Variants in DPP6 observed in about 807,000 individuals in gnomAD.
The protein encoded by DPP6 is dipeptidyl peptidase like 6.
Under a neutral mutation model 122.6 loss-of-function variants are expected in DPP6, and 69 were observed. The ratio of observed to expected loss-of-function variants is 0.56; its 90% CI spans 0.46 to 0.69. DPP6 has a LOEUF of 0.69. Among genes scored for constraint, DPP6 ranks in the 30% least tolerant of loss-of-function variants. DPP6 has a pLI of 0.00. For missense variants in DPP6, 928 were observed against 1,116.9 expected (o/e 0.83, Z 2.41); for synonymous variants, 418 against 433.1 (o/e 0.97, Z 0.43).
At chr7:154,092,223 T>C (rs1166471457) in intron 1 of DPP6, 1 of 152,202 alleles carries the variant, frequency 6.6e-6, no homozygotes, top group African/African-American at 2.4e-5. Context: ...ACTTACTTTA[T>C]TATTTTCTCT....
At chr7:153,942,293 A>G (rs976319545) in intron 1 of DPP6, among the ~76,000 whole-genome samples, 2 of 152,142 alleles carry the variant, frequency 1.3e-5, no homozygotes, top group Non-Finnish European at 2.9e-5. Flanking sequence ...TCTCCTTGCG[A>G]CTTACAAGAA....
intron 8 of DPP6, among the ~76,000 whole-genome samples, chr7:154,743,812 T>C (rs1402514921): frequency 1.3e-5 from 2 of 152,138 alleles, no homozygotes; most frequent in Non-Finnish European, 2.9e-5. Flanking sequence ...AATTCAAACA[T>C]ACTCCAGTCC....
intron 1 of DPP6, among the ~76,000 whole-genome samples, chr7:153,995,463 G>C (rs1280293221): frequency 6.6e-6 from 1 of 151,922 alleles, no homozygotes; most frequent in Non-Finnish European, 1.5e-5. Context: ...GCGGATGCCT[G>C]TAGTCTCAGC....
chr7:154,104,598 A>G, intron 1 of DPP6, among the ~76,000 whole-genome samples: 1 of 152,268 alleles, frequency 6.6e-6, no homozygotes. Flanking sequence ...GTATTTTCTC[A>G]GGGACCCTTC....
intron 10 of DPP6, among the ~76,000 whole-genome samples, chr7:154,777,869 C>T (rs768429255): frequency 2.6e-5 from 4 of 152,260 alleles, no homozygotes; most frequent in Admixed American, 6.5e-5. Flanking sequence ...CCACGGCTCA[C>T]GAAAGGCTCA....
rs532170445 is a variant in DPP6 at position 154,219,844 on chromosome 7, C to T, written c.243+166781C>T. 2.0e-5 allele frequency among the ~76,000 whole-genome samples: 3 copies of T among 152,276 alleles called. No homozygotes were observed. The South Asian group carries it at 6.2e-4, about 32-fold the overall frequency. On this transcript the variant is annotated intron_variant, in intron 1 of 25. Transcript: ENST00000377770. ...TCAAGTGATCTGCCTGCCTCGGCCT[C>T]CCAAAGTGCTGGGATTGCAGTTGTG...
intron 11 of DPP6, 110 bp from the exon 12 acceptor site, chr7:154,795,735 G>A (rs1798004090): frequency 2.9e-5 from 43 of 1,486,736 alleles, no homozygotes; most frequent in Non-Finnish European, 3.7e-5. Flanking sequence ...CGGCCATGTA[G>A]GTGAAGCCAA....
At chr7:154,662,015 C>G (rs1193199058) in intron 6 of DPP6, among the ~76,000 whole-genome samples, 3 of 148,806 alleles carry the variant, frequency 2.0e-5, no homozygotes, top group Admixed American at 6.7e-5. Context: ...TGGTGAATCA[C>G]CATGGCATAT....
At chr7:154,589,081 A>T (rs1226683133) in intron 5 of DPP6, among the ~76,000 whole-genome samples, 3 of 152,174 alleles carry the variant, frequency 2.0e-5, no homozygotes, top group Non-Finnish European at 2.9e-5. Context: ...TGTTTGAAAT[A>T]TCATTTGGAA....
chr7:154,205,732 G>A (rs1007232715), intron 1 of DPP6, among the ~76,000 whole-genome samples: 1 of 151,702 alleles, frequency 6.6e-6, no homozygotes, highest in Non-Finnish European at 1.5e-5. Context: ...CTCAGACTGG[G>A]CAAAGCTCTT....
At chr7:154,430,437 G>A (rs1336913374) in intron 1 of DPP6, among the ~76,000 whole-genome samples, 3 of 152,176 alleles carry the variant, frequency 2.0e-5, no homozygotes, top group Non-Finnish European at 4.4e-5. Context: ...GGTCTGGTTT[G>A]TAGATGGCTA....
intron 1 of DPP6, among the ~76,000 whole-genome samples, chr7:154,208,328 A>G (rs1019610565): frequency 7.2e-5 from 11 of 152,220 alleles, no homozygotes; most frequent in East Asian, 1.9e-4. Context: ...TCCTTGGCCA[A>G]AAATAGAGCT....
At chr7:153,802,204 CA>C in the DPP6 span, among the ~76,000 whole-genome samples, 1 of 152,164 alleles carries the variant, frequency 6.6e-6, no homozygotes, top group Non-Finnish European at 1.5e-5. Context: ...TTGCCTAAGC[CA>C]CCAGAAACTT....
At chr7:154,674,912 G>T (rs1838792919) in intron 7 of DPP6, among the ~76,000 whole-genome samples, 1 of 152,182 alleles carries the variant, frequency 6.6e-6, no homozygotes, top group Admixed American at 6.5e-5. Context: ...GACCAAGAGA[G>T]GCTGAGGGGT....
chr7:154,859,654 G>C, intron 17 of DPP6, among the ~76,000 whole-genome samples: 1 of 152,316 alleles, frequency 6.6e-6, no homozygotes, highest in East Asian at 1.9e-4. Flanking sequence ...ATGTGACTCT[G>C]AATTATTTAA....
At chr7:154,007,093 C>G (rs1003912456) in intron 1 of DPP6, among the ~76,000 whole-genome samples, 1 of 152,208 alleles carries the variant, frequency 6.6e-6, no homozygotes, top group Non-Finnish European at 1.5e-5. Context: ...CTGGACAGCA[C>G]CCTTCTGTGT....
chr7:154,479,767 G>A (rs1000333687), intron 3 of DPP6, among the ~76,000 whole-genome samples: 7 of 152,028 alleles, frequency 4.6e-5, no homozygotes, highest in African/African-American at 1.7e-4. Context: ...CCACTCTAGG[G>A]GCTGTGATGA....
At chr7:154,188,312 T>TC (rs1022991566) in intron 1 of DPP6, among the ~76,000 whole-genome samples, 23 of 151,952 alleles carry the variant, frequency 1.5e-4, no homozygotes, top group African/African-American at 3.6e-4. Flanking sequence ...AAAAATACTT[T>TC]CCCCCCCAAA....
intron 1 of DPP6, among the ~76,000 whole-genome samples, chr7:154,344,043 C>G (rs1465230733): frequency 6.6e-6 from 1 of 152,186 alleles, no homozygotes; most frequent in Non-Finnish European, 1.5e-5. Flanking sequence ...ACTCTAAGTT[C>G]TTTTAAAAGA....
Sources: allele counts gnomAD v4.1 joint callset (sites outside exome capture counted in the v4.1 genomes callset), GRCh38; gene constraint gnomAD v4.1.1; transcripts MANE v1.5; gene names NCBI Gene and HGNC (gene_info 2026-07-23, HGNC 2026-07-21).